CBLB: variants seen among roughly 807,000 people sequenced by gnomAD.
The protein encoded by CBLB is E3 ubiquitin-protein ligase CBL-B.
Under a neutral mutation model 104.9 loss-of-function variants are expected in CBLB, and 31 were observed. The ratio of observed to expected loss-of-function variants is 0.30; its 90% CI spans 0.22 to 0.40. The LOEUF is 0.40. CBLB is among the 10% of genes least tolerant of loss of function. The pLI, the probability that CBLB is intolerant of heterozygous loss-of-function variation, is 1.00. For missense variants in CBLB, 1,062 were observed against 1,214.6 expected (o/e 0.87, Z 1.87); for synonymous variants, 440 against 422.6 (o/e 1.04, Z -0.51).
chr3:105,822,321 C>T (rs559135895), intron 3 of CBLB, among the ~76,000 whole-genome samples: 3 of 152,136 alleles, frequency 2.0e-5, no homozygotes, highest in Non-Finnish European at 4.4e-5. Context: ...GTTCTAAGGC[C>T]TTCTAGTCAT....
intron 3 of CBLB, among the ~76,000 whole-genome samples, chr3:105,850,993 T>C (rs1022134671): frequency 6.6e-6 from 1 of 152,172 alleles, no homozygotes; most frequent in Non-Finnish European, 1.5e-5. Flanking sequence ...TTTCTAAACT[T>C]ATGCATACCC....
chr3:105,707,450 T>G (rs1456810273), intron 10 of CBLB, among the ~76,000 whole-genome samples: 4 of 145,162 alleles, frequency 2.8e-5, no homozygotes, highest in African/African-American at 1.0e-4. Context: ...TCTCCTAAAT[T>G]AGAGTAAAAT....
chr3:105,813,706 G>A (rs768378117), intron 3 of CBLB, among the ~76,000 whole-genome samples: 1 of 152,070 alleles, frequency 6.6e-6, no homozygotes, highest in African/African-American at 2.4e-5. Context: ...TGTGATGAAA[G>A]TATTACATGA....
rs188004423 is a variant in CBLB at position 105,657,097 on chromosome 3, C to T, written c.*1873G>A. The stretch of plus-strand genomic sequence containing the variant: ...AATTCATACAAAAGCAGAAATTACC[C>T]AAGGCCTGTGAGTCCTCATCTCATA... On this transcript the variant is annotated 3_prime_UTR_variant, in exon 19 of 19. Transcript: ENST00000394030. 344 of 226,936 alleles carry T rather than the reference C, an allele frequency of 1.5e-3. No homozygotes were observed. The highest frequency in any genetic ancestry group is 2.5e-3 in the Non-Finnish European group (280 of 114,134). The allele number at this position is 226,936 out of a possible 1,614,324, so 14.1% of individuals were successfully genotyped here.
intron 3 of CBLB, among the ~76,000 whole-genome samples, chr3:105,805,134 T>C (rs1434809642): frequency 6.6e-6 from 1 of 152,136 alleles, no homozygotes; most frequent in Admixed American, 6.5e-5. Context: ...ATCATCTTTC[T>C]AAAGCACAGG....
At chr3:105,743,732 TAA>T (rs757956619) in intron 6 of CBLB, among the ~76,000 whole-genome samples, 8 of 134,156 alleles carry the variant, frequency 6.0e-5, no homozygotes, top group Non-Finnish European at 9.8e-5. Context: ...CTTTCCAAGA[TAA>T]AAAAAAAAAA....
chr3:105,705,046 C>CTTTTG (rs58036472), intron 10 of CBLB, among the ~76,000 whole-genome samples: 1 of 68,692 alleles, frequency 1.5e-5, no homozygotes, highest in Non-Finnish European at 3.5e-5. Flanking sequence ...GGGCAGTTTC[C>CTTTTG]AAGTCTAAGT....
chr3:105,766,796 T>C (rs2078276186), intron 4 of CBLB, among the ~76,000 whole-genome samples: 1 of 152,230 alleles, frequency 6.6e-6, no homozygotes, highest in Non-Finnish European at 1.5e-5. Flanking sequence ...ATGTACTTTA[T>C]TGCAGTGGTC....
intron 3 of CBLB, among the ~76,000 whole-genome samples, chr3:105,790,323 A>G (rs987651972): frequency 1.3e-5 from 2 of 152,238 alleles, no homozygotes; most frequent in African/African-American, 4.8e-5. Flanking sequence ...GCACTAGAAA[A>G]TCTTTACATT....
At chr3:105,869,172 TC>T, upstream of CBLB, 5 of 578,334 alleles carry the variant, frequency 8.6e-6, no homozygotes, top group Non-Finnish European at 1.4e-5. Context: ...TGCCGCCCCG[TC>T]CACGTCCTCC....
In CBLB at chr3:105,726,592, T is replaced by C. The variant is rs111546973; in HGVS notation, c.1204-6342A>G. Among the ~76,000 whole-genome samples the C allele has an allele frequency of 6.0e-3, 905 of 151,960 alleles. 10 individuals carry two copies. Among genetic ancestry groups the C allele is most frequent in the African/African-American group, 0.021 (863 of 41,400 alleles). On this transcript the variant is annotated intron_variant, in intron 9 of 18. Transcript: ENST00000394030. ...TATACTTTAAAAGTTCTGGGATACA[T>C]GTGCAGAACATGCAGGTTTGTTACA...
In CBLB at chr3:105,776,511, T is replaced by C; in HGVS notation, c.451A>G (p.Ser151Gly). Reference sequence around the variant, plus strand: ...GCTTTGATTTCTGCCAGCATGTGACTGAAGATAAGGGACAGTTTTGTGAGA... The same window carrying C: ...GCTTTGATTTCTGCCAGCATGTGACCGAAGATAAGGGACAGTTTTGTGAGA... ...RNLTKLSLIF[S>G]HMLAEIKAIF... The change falls in exon 4 of 19, where the codon AGT becomes GGT. Residue 151 changes from serine (S) to glycine (G), a missense_variant. Transcript: ENST00000394030. 1 of 1,613,778 alleles carries C rather than the reference T, an allele frequency of 6.2e-7. No homozygotes were observed. The highest frequency in any genetic ancestry group is 8.5e-7 in the Non-Finnish European group (1 of 1,179,864).
intron 4 of CBLB, among the ~76,000 whole-genome samples, chr3:105,756,155 A>G (rs2077061510): frequency 6.6e-6 from 1 of 152,214 alleles, no homozygotes; most frequent in Non-Finnish European, 1.5e-5. Flanking sequence ...AAACTTTTAA[A>G]TGTATATAAT....
chr3:105,868,954 C>G lies in CBLB; in HGVS notation c.-233G>C. On this transcript the variant is annotated 5_prime_UTR_variant, in exon 1 of 19. Transcript: ENST00000394030. ...ACCCGCTCTCCCCTCCCGCCCGACT[C>G]GGGGAGGCCGCGGGACGCCGCAGCA... 1 of 1,020,298 alleles carries G rather than the reference C, an allele frequency of 9.8e-7. No individual in the cohort carries two copies. The highest frequency in any genetic ancestry group is 1.7e-5 in the African/African-American group (1 of 57,244). The allele number at this position is 1,020,298 out of a possible 1,614,324, so 63.2% of individuals were successfully genotyped here.
chr3:105,767,364 A>T (rs369481391), intron 4 of CBLB, among the ~76,000 whole-genome samples: 4 of 152,016 alleles, frequency 2.6e-5, no homozygotes, highest in African/African-American at 9.7e-5. Context: ...CCTTTCTTTC[A>T]TATTAAAAGT....
intron 4 of CBLB, among the ~76,000 whole-genome samples, chr3:105,754,525 G>GAGAGAGAGAGAC (rs759390171): frequency 1.2e-3 from 19 of 15,998 alleles, no homozygotes; most frequent in Admixed American, 2.6e-3. Context: ...GAGAGAGACA[G>GAGAGAGAGAGAC]AGAGAGAGAG....
intron 4 of CBLB, among the ~76,000 whole-genome samples, chr3:105,754,623 T>C (rs1019247431): frequency 6.6e-6 from 1 of 151,914 alleles, no homozygotes; most frequent in African/African-American, 2.4e-5. Context: ...ATATATTCTA[T>C]TGACCCTTAC....
intron 4 of CBLB, among the ~76,000 whole-genome samples, chr3:105,765,532 A>G (rs2078126423): frequency 1.3e-5 from 2 of 152,284 alleles, no homozygotes; most frequent in Admixed American, 6.5e-5. Flanking sequence ...AAAAACAAAA[A>G]GCTTCAAAGG....
chr3:105,778,486 G>A (rs988871492), intron 3 of CBLB, among the ~76,000 whole-genome samples: 2 of 151,864 alleles, frequency 1.3e-5, no homozygotes, highest in African/African-American at 4.8e-5. Flanking sequence ...GATCAAAAGT[G>A]GGAAAAGTAG....
Sources: gnomAD v4.1 joint callset for allele counts (sites outside exome capture counted in the v4.1 genomes callset) on GRCh38, gnomAD v4.1.1 for gene constraint, MANE v1.5 for transcripts, NCBI Gene and HGNC (gene_info 2026-07-23, HGNC 2026-07-21) for gene names.